SLC2A9: variants seen among roughly 807,000 people sequenced by gnomAD.
SLC2A9 encodes solute carrier family 2 member 9.
A neutral mutation model predicts 50.6 loss-of-function variants in SLC2A9; 39 were observed. That is an observed-to-expected ratio of 0.77 (90% CI 0.60 to 1.01). The LOEUF is 1.01. SLC2A9 is among the 50% of genes least tolerant of loss of function. SLC2A9 has a pLI of 0.00. For missense variants in SLC2A9, 686 were observed against 677.6 expected, an observed-to-expected ratio of 1.01 and a Z score of -0.14; for synonymous variants, 324 against 276.9, an observed-to-expected ratio of 1.17 and a Z score of -1.69.
intron 10 of SLC2A9, among the ~76,000 whole-genome samples, chr4:9,866,191 T>G (rs1395103935): frequency 6.6e-6 from 1 of 152,062 alleles, no homozygotes; most frequent in Non-Finnish European, 1.5e-5. Context: ...GATATGAACA[T>G]GGATGCTAAT....
chr4:9,888,471 G>C (rs1288708901), intron 9 of SLC2A9, among the ~76,000 whole-genome samples: 1 of 152,024 alleles, frequency 6.6e-6, no homozygotes. Context: ...ACTCATCCGG[G>C]GGGTGGGTGG....
intron 2 of SLC2A9, among the ~76,000 whole-genome samples, chr4:10,002,579 G>A (rs938224147): frequency 6.6e-6 from 1 of 152,236 alleles, no homozygotes; most frequent in Non-Finnish European, 1.5e-5. Context: ...TTGGCTGGGT[G>A]CAGTGGCTCA....
intron 1 of SLC2A9, among the ~76,000 whole-genome samples, chr4:10,039,840 A>G (rs1326924879): frequency 6.6e-6 from 1 of 152,184 alleles, no homozygotes; most frequent in Non-Finnish European, 1.5e-5. Context: ...TTAGTTGCTC[A>G]GTTCTAGATT....
chr4:9,809,462 T>C (rs1419297351), intron 3 of SLC2A9, among the ~76,000 whole-genome samples: 1 of 152,168 alleles, frequency 6.6e-6, no homozygotes, highest in Admixed American at 6.5e-5. Context: ...CGCCTGACTC[T>C]AGTCTCTTGT....
In SLC2A9 at chr4:9,917,609, G is replaced by C. The variant is rs555387491; in HGVS notation, c.1002+2776C>G. On this transcript the variant is annotated intron_variant, in intron 7 of 11. Transcript: ENST00000264784. ...GCCTCCCAAAGTGCTGGGATTACAG[G>C]CACAAGACACTGCACCCAGCAAAAT... is the stretch of plus-strand genomic sequence containing the variant. Among the ~76,000 whole-genome samples the C allele has an allele frequency of 9.9e-5, 15 of 152,244 alleles. No homozygotes were observed. In the South Asian group the frequency reaches 2.9e-3, roughly 30 times the overall value.
At chr4:9,953,296 T>C (rs1304040205) in intron 5 of SLC2A9, among the ~76,000 whole-genome samples, 1 of 152,206 alleles carries the variant, frequency 6.6e-6, no homozygotes, top group East Asian at 1.9e-4. Context: ...GTAACATCAT[T>C]GGGCAGTGAC....
chr4:9,994,081 A>C (rs922124326), intron 3 of SLC2A9, among the ~76,000 whole-genome samples: 1 of 152,214 alleles, frequency 6.6e-6, no homozygotes, highest in African/African-American at 2.4e-5. Context: ...ATGGGAGAGG[A>C]ATAACAGAGC....
At position 9,799,494 on chromosome 4, in the gene SLC2A9, C is replaced by T. The variant is rs1721035452; in HGVS notation, n.421-253G>A. Among the ~76,000 whole-genome samples the T allele has an allele frequency of 1.3e-5, 2 of 151,998 alleles. 1 individual carries two copies. Among genetic ancestry groups the T allele is most frequent in the African/African-American group, 4.8e-5 (2 of 41,486 alleles). On this transcript the variant is annotated intron_variant and non_coding_transcript_variant, in intron 3 of 3. Coordinates refer to the SLC2A9 transcript ENST00000503280. Reference sequence around the variant, plus strand: ...ATTAATCCCATTCAGAATGGCTCTGCCCAAATGCCTTAATCAGCTCCTAAA... The same window carrying T: ...ATTAATCCCATTCAGAATGGCTCTGTCCAAATGCCTTAATCAGCTCCTAAA...
At chr4:9,934,379 A>G (rs1746690435) in intron 6 of SLC2A9, among the ~76,000 whole-genome samples, 1 of 152,192 alleles carries the variant, frequency 6.6e-6, no homozygotes, top group African/African-American at 2.4e-5. Flanking sequence ...TTGACCACAG[A>G]TGGCTTTTCA....
intron 7 of SLC2A9, among the ~76,000 whole-genome samples, chr4:9,910,971 G>T (rs1391369341): frequency 6.6e-6 from 1 of 150,428 alleles, no homozygotes; most frequent in Admixed American, 6.7e-5. Context: ...AAACAGAGAG[G>T]GGAACATCAT....
rs76920131 is a variant in SLC2A9 at position 10,015,042 on chromosome 4, C to T, written c.249+3933G>A. Among the ~76,000 whole-genome samples the T allele has an allele frequency of 9.3e-3, 1,422 of 152,176 alleles. 4 individuals carry two copies. The highest frequency in any genetic ancestry group is 0.034 in the Middle Eastern group (10 of 294). ...TATGAGAATTGCTCTATGAGAACCC[C>T]GAGGGAGGGAGGGGTTGGGACAGGA... is the stretch of plus-strand genomic sequence containing the variant. On this transcript the variant is annotated intron_variant, in intron 2 of 11. Coordinates refer to ENST00000264784, the MANE Select transcript of SLC2A9 (RefSeq NM_020041.3).
At chr4:9,898,995 TCC>T (rs1297333052) in intron 8 of SLC2A9, among the ~76,000 whole-genome samples, 263 of 141,912 alleles carry the variant, frequency 1.9e-3, no homozygotes, top group Non-Finnish European at 3.4e-3. Context: ...TCTCCCTCCC[TCC>T]CCCTCTCTCT....
rs1726132159 is a variant in SLC2A9, at chr4:9,831,484, T to C, written c.1419+3397A>G. Among the ~76,000 whole-genome samples, 4 of 152,196 alleles carry C rather than the reference T, an allele frequency of 2.6e-5. No homozygotes were observed. In the South Asian group the frequency reaches 8.3e-4, roughly 32 times the overall value. On this transcript the variant is annotated intron_variant, in intron 11 of 11. Transcript: ENST00000264784. ...AGTTTAGAGGGCAGGTGTATAACTC[T>C]ACTTGTTATCACAGCCATGTAGCCA...
Position 9,949,990 on chromosome 4 carries a change from G to A in SLC2A9, c.682-7945C>T, listed in dbSNP as rs1749925172. On this transcript the variant is annotated intron_variant, in intron 5 of 11. Transcript: ENST00000264784. Reference sequence around the variant, plus strand: ...CCGTCCCTCCCAACAACTGCCTCCTGGGAAGGACCCTGCTGGCCACAGCTT... The same window carrying A: ...CCGTCCCTCCCAACAACTGCCTCCTAGGAAGGACCCTGCTGGCCACAGCTT... Among the ~76,000 whole-genome samples, 2 of 152,098 alleles carry A rather than the reference G, an allele frequency of 1.3e-5. 1 individual carries two copies. The highest frequency in any genetic ancestry group is 2.9e-5 in the Non-Finnish European group (2 of 68,018).
chr4:9,901,387 G>A (rs989395551), intron 8 of SLC2A9, among the ~76,000 whole-genome samples: 1 of 152,064 alleles, frequency 6.6e-6, no homozygotes, highest in Non-Finnish European at 1.5e-5. Context: ...CAGTCCTTTC[G>A]AGGCCAGTTC....
chr4:9,903,981 G>A (rs575388815), intron 8 of SLC2A9, among the ~76,000 whole-genome samples: 1,893 of 146,854 alleles, frequency 0.013, 27 homozygotes, highest in Non-Finnish European at 0.022. Flanking sequence ...AATATATTAT[G>A]CATATTATAT....
chr4:10,011,548 T>C (rs1761765535), intron 2 of SLC2A9, among the ~76,000 whole-genome samples: 1 of 152,224 alleles, frequency 6.6e-6, no homozygotes, highest in South Asian at 2.1e-4. Flanking sequence ...TGAAGCCATT[T>C]TCAAGGATTC....
intron 3 of SLC2A9, chr4:9,783,146 C>T: frequency 1.2e-6 from 2 of 1,614,254 alleles, no homozygotes; most frequent in Non-Finnish European, 1.7e-6. Context: ...TGCCCAGCTG[C>T]TGGGGTGCAG....
chr4:9,966,588 G>T (rs560069937), intron 5 of SLC2A9, among the ~76,000 whole-genome samples: 1 of 134,528 alleles, frequency 7.4e-6, no homozygotes, highest in South Asian at 2.2e-4. Context: ...CCTGGGAGGC[G>T]GGGGTTGAGA....
Sources: allele counts gnomAD v4.1 joint callset (sites outside exome capture counted in the v4.1 genomes callset), GRCh38; gene constraint gnomAD v4.1.1; transcripts MANE v1.5; gene names NCBI Gene and HGNC (gene_info 2026-07-23, HGNC 2026-07-21).